The following FHIT variants were observed in gnomAD, a reference collection of about 807,000 sequenced individuals.
The protein encoded by FHIT is fragile histidine triad diadenosine triphosphatase, also known as bis(5'-adenosyl)-triphosphatase.
Under a neutral mutation model 17.9 loss-of-function variants are expected in FHIT, and 19 were observed. The ratio of observed to expected loss-of-function variants is 1.06; its 90% CI spans 0.74 to 1.56. FHIT has a LOEUF of 1.56. FHIT is among the 40% of genes most tolerant of loss of function. FHIT has a pLI of 0.00. For synonymous variants in FHIT, 81 were observed against 69.7 expected (o/e 1.16, Z -0.81); for missense variants, 248 against 189.2 (o/e 1.31, Z -1.82).
At chr3:60,039,684 C>T (rs1222604323) in intron 5 of FHIT, among the ~76,000 whole-genome samples, 1 of 152,036 alleles carries the variant, frequency 6.6e-6, no homozygotes, top group Non-Finnish European at 1.5e-5. Context: ...AAAAATAGTC[C>T]TATAAAGTGT....
intron 8 of FHIT, among the ~76,000 whole-genome samples, chr3:59,857,262 C>T (rs149564451): frequency 1.2e-3 from 181 of 152,296 alleles, no homozygotes; most frequent in African/African-American, 3.4e-3. Context: ...GAGCGATACA[C>T]TGTCATTTCT....
chr3:60,460,623 G>A (rs1220541326), intron 5 of FHIT, among the ~76,000 whole-genome samples: 3 of 152,138 alleles, frequency 2.0e-5, no homozygotes, highest in Admixed American at 6.6e-5. Context: ...ACAGAATACA[G>A]ACAGCTTTAA....
intron 3 of FHIT, among the ~76,000 whole-genome samples, chr3:61,041,319 G>A (rs1306370300): frequency 6.6e-6 from 1 of 151,862 alleles, no homozygotes; most frequent in Admixed American, 6.6e-5. Flanking sequence ...AGAAGTTGCG[G>A]TGAGCTGAGA....
At chr3:61,205,065 T>C (rs1216811230) in intron 1 of FHIT, among the ~76,000 whole-genome samples, 3 of 148,950 alleles carry the variant, frequency 2.0e-5, no homozygotes, top group Non-Finnish European at 3.0e-5. Context: ...AGTGAGAACA[T>C]GCGCTGTTTG....
chr3:61,186,440 A>C (rs1163243272), intron 2 of FHIT, among the ~76,000 whole-genome samples: 3 of 152,220 alleles, frequency 2.0e-5, no homozygotes, highest in Non-Finnish European at 4.4e-5. Flanking sequence ...GGAAGGAGGA[A>C]TACAGTTAGT....
At chr3:60,767,722 G>T (rs1335413744) in intron 4 of FHIT, among the ~76,000 whole-genome samples, 1 of 152,216 alleles carries the variant, frequency 6.6e-6, no homozygotes, top group African/African-American at 2.4e-5. Context: ...GCAAGCTCTA[G>T]ATTAGAATCA....
At chr3:60,653,304 G>C (rs1465747845) in intron 4 of FHIT, among the ~76,000 whole-genome samples, 6 of 152,108 alleles carry the variant, frequency 3.9e-5, no homozygotes, top group African/African-American at 1.4e-4. Flanking sequence ...CTATTGAAAA[G>C]GAATAATCAG....
chr3:60,960,666 A>G (rs1709381889), intron 3 of FHIT, among the ~76,000 whole-genome samples: 1 of 152,050 alleles, frequency 6.6e-6, no homozygotes, highest in Non-Finnish European at 1.5e-5. Context: ...ATTCCCACCT[A>G]TGAGTGAGAA....
chr3:60,126,327 C>T (rs1705549071), intron 5 of FHIT, among the ~76,000 whole-genome samples: 2 of 152,166 alleles, frequency 1.3e-5, no homozygotes, highest in African/African-American at 4.8e-5. Flanking sequence ...TCTATATCGT[C>T]CCTTTATAAA....
At chr3:59,874,750 C>G (rs1703076811) in intron 8 of FHIT, among the ~76,000 whole-genome samples, 1 of 151,966 alleles carries the variant, frequency 6.6e-6, no homozygotes, top group Non-Finnish European at 1.5e-5. Flanking sequence ...ATGCTAGGCA[C>G]TAGGGATGCA....
chr3:61,124,417 T>G (rs1457693006), intron 2 of FHIT, among the ~76,000 whole-genome samples: 2 of 152,262 alleles, frequency 1.3e-5, no homozygotes, highest in East Asian at 3.9e-4. Context: ...TGGTAAATGC[T>G]TAACAACGGC....
intron 1 of FHIT, among the ~76,000 whole-genome samples, chr3:61,215,613 A>G (rs2039648585): frequency 6.6e-6 from 1 of 152,198 alleles, no homozygotes; most frequent in African/African-American, 2.4e-5. Context: ...CAAGCTACCA[A>G]TGACTTTCTT....
chr3:61,177,253 T>C (rs1450003523), intron 2 of FHIT, among the ~76,000 whole-genome samples: 2 of 151,986 alleles, frequency 1.3e-5, no homozygotes, highest in South Asian at 2.1e-4. Flanking sequence ...CACCTTTGCA[T>C]CTAATTTTGT....
chr3:60,415,994 A>G (rs1263276222), intron 5 of FHIT, among the ~76,000 whole-genome samples: 3 of 150,460 alleles, frequency 2.0e-5, no homozygotes, highest in East Asian at 1.9e-4. Context: ...ATCATTTGGC[A>G]TAGTACCTAC....
intron 2 of FHIT, among the ~76,000 whole-genome samples, chr3:61,196,757 T>C (rs947889947): frequency 6.6e-6 from 1 of 152,050 alleles, no homozygotes; most frequent in Admixed American, 6.6e-5. Flanking sequence ...TACCAGACAG[T>C]AGAAAAAGCT....
intron 3 of FHIT, among the ~76,000 whole-genome samples, chr3:60,853,640 G>A (rs1703245372): frequency 6.6e-6 from 1 of 152,112 alleles, no homozygotes; most frequent in East Asian, 1.9e-4. Flanking sequence ...GATATCTGGT[G>A]TATTTTAGTG....
intron 5 of FHIT, among the ~76,000 whole-genome samples, chr3:60,338,008 A>G (rs17658293): frequency 0.11 from 16,624 of 152,218 alleles, 1,166 homozygotes; most frequent in Non-Finnish European, 0.16. Context: ...TTTGTAAGGT[A>G]ATTTTTCAAA....
chr3:60,303,831 A>C (rs78925456), intron 5 of FHIT, among the ~76,000 whole-genome samples: 1,944 of 152,096 alleles, frequency 0.013, 16 homozygotes, highest in Non-Finnish European at 0.021. Flanking sequence ...AACCCAACCC[A>C]CTCTGACTTC....
Position 59,953,325 on chromosome 3 carries a change from C to G in FHIT, c.280-30911G>C, listed in dbSNP as rs866378574. ...CTCTCTCCTTATGACTGTCTTCATG[C>G]GTGCATTGGGTCCTTGTGTGCATGT... On this transcript the variant is annotated intron_variant, in intron 7 of 9. Transcript: ENST00000492590. Among the ~76,000 whole-genome samples, 49 of 151,974 alleles carry G rather than the reference C, an allele frequency of 3.2e-4. 1 individual carries two copies. The highest frequency in any genetic ancestry group is 3.2e-3 in the Admixed American group (49 of 15,252).
Sources: gnomAD v4.1 joint callset for allele counts (sites outside exome capture counted in the v4.1 genomes callset) on GRCh38, gnomAD v4.1.1 for gene constraint, MANE v1.5 for transcripts, NCBI Gene and HGNC (gene_info 2026-07-23, HGNC 2026-07-21) for gene names.